SPATA1: variants seen among roughly 807,000 people sequenced by gnomAD.
SPATA1 encodes spermatogenesis associated 1.
Under a neutral mutation model 59.6 loss-of-function variants are expected in SPATA1, and 57 were observed. That is an observed-to-expected ratio of 0.96 (90% CI 0.77 to 1.19). The LOEUF (loss-of-function observed/expected upper bound fraction) is 1.19, where lower values mean the gene tolerates loss of function less well. Among genes scored for constraint, SPATA1 ranks in the 50% most tolerant of loss-of-function variants. The probability of loss-of-function intolerance (pLI) is 0.00; values close to 1 mark genes in which losing one functional copy is unlikely to be tolerated. For synonymous variants in SPATA1, 147 were observed against 163.9 expected (o/e 0.90, Z 0.79); for missense variants, 448 against 480.7 (o/e 0.93, Z 0.64).
exon 5 of SPATA1, chr1:84,566,039 T>G: frequency 6.9e-7 from 1 of 1,450,862 alleles, no homozygotes; most frequent in Non-Finnish European, 9.2e-7. Context: ...TACTATTTTA[T>G]GTAATATGAT....
At chr1:84,527,539 C>T (rs1683274736) in intron 6 of SPATA1, 1 of 151,768 alleles carries the variant, frequency 6.6e-6, no homozygotes. Context: ...TTTTTTAGTT[C>T]TTATATATAA....
intron 4 of SPATA1, among the ~76,000 whole-genome samples, chr1:84,561,989 C>T (rs927984959): frequency 5.3e-5 from 8 of 152,136 alleles, no homozygotes; most frequent in Admixed American, 3.3e-4. Flanking sequence ...TGCAATATCT[C>T]TAAGGTATGC....
At chr1:84,554,916 A>G, downstream of SPATA1, 1 of 1,068,608 alleles carries the variant, frequency 9.4e-7, no homozygotes. Flanking sequence ...ACAAAAGTAT[A>G]TAGCAACATA....
downstream of SPATA1, chr1:84,555,110 C>T (rs1025735721): frequency 4.3e-6 from 7 of 1,613,732 alleles, no homozygotes; most frequent in African/African-American, 9.4e-5. Context: ...TGCCAATGCC[C>T]CGTAAGCGAT....
At chr1:84,550,153 C>G (rs1684228081) in intron 11 of SPATA1, 1 of 202,734 alleles carries the variant, frequency 4.9e-6, no homozygotes, top group Non-Finnish European at 9.9e-6. Context: ...ATTTTAAAGT[C>G]TTGCTAATAA....
intron 6 of SPATA1, among the ~76,000 whole-genome samples, chr1:84,531,939 A>T (rs1430270058): frequency 2.0e-5 from 3 of 152,180 alleles, no homozygotes; most frequent in African/African-American, 7.2e-5. Flanking sequence ...GATTTCTCCA[A>T]GGGAAAAAAA....
At chr1:84,558,587 G>A (rs1259432363), downstream of SPATA1, among the ~76,000 whole-genome samples, 3 of 146,538 alleles carry the variant, frequency 2.0e-5, no homozygotes, top group East Asian at 2.1e-4. Flanking sequence ...CACCGCGCCC[G>A]GCCACTTTTT....
At chr1:84,519,987 G>T (rs541973211) in intron 2 of SPATA1, 1 of 152,228 alleles carries the variant, frequency 6.6e-6, no homozygotes, top group African/African-American at 2.4e-5. Flanking sequence ...TCTAATCAAG[G>T]TCATAACAAA....
chr1:84,512,537 G>A (rs187279094), intron 1 of SPATA1, among the ~76,000 whole-genome samples: 23 of 152,266 alleles, frequency 1.5e-4, no homozygotes, highest in Non-Finnish European at 7.4e-5. Context: ...TAAAAATTAC[G>A]AGAATCCTTA....
At chr1:84,510,051 A>C (rs922018093) in intron 1 of SPATA1, among the ~76,000 whole-genome samples, 1 of 152,088 alleles carries the variant, frequency 6.6e-6, no homozygotes, top group African/African-American at 2.4e-5. Flanking sequence ...AAAGCTGGAC[A>C]TGGTGGCATG....
At chr1:84,520,475 T>C in intron 2 of SPATA1, 110 bp from the exon 3 acceptor site, 1 of 709,858 alleles carries the variant, frequency 1.4e-6, no homozygotes, top group South Asian at 2.2e-5. Context: ...ATGTATGTAT[T>C]CCATGTTTTT....
chr1:84,565,428 A>G (rs1177404572), intron 4 of SPATA1, among the ~76,000 whole-genome samples: 1 of 152,192 alleles, frequency 6.6e-6, no homozygotes, highest in Non-Finnish European at 1.5e-5. Context: ...GTGCCCAACC[A>G]TATCTATCTT....
intron 10 of SPATA1, among the ~76,000 whole-genome samples, chr1:84,548,267 A>T (rs1030111951): frequency 6.6e-5 from 10 of 151,966 alleles, no homozygotes; most frequent in African/African-American, 2.4e-4. Context: ...TTGTGTTCCT[A>T]TTAAGTTTGT....
chr1:84,533,634 AATAC>A, intron 7 of SPATA1, 71 bp from the exon 8 acceptor site: 3 of 1,181,290 alleles, frequency 2.5e-6, no homozygotes, highest in Non-Finnish European at 3.6e-6. Flanking sequence ...CATCAAATAA[AATAC>A]ATAAAATATG....
chr1:84,549,082 C>A, intron 11 of SPATA1, 118 bp downstream of exon 11: 2 of 1,038,628 alleles, frequency 1.9e-6, no homozygotes, highest in Non-Finnish European at 2.6e-6. Flanking sequence ...TTGCTTAAAA[C>A]AATAAAAAAA....
chr1:84,536,215 CAA>C (rs973028628), intron 8 of SPATA1, among the ~76,000 whole-genome samples: 1 of 152,182 alleles, frequency 6.6e-6, no homozygotes, highest in Non-Finnish European at 1.5e-5. Flanking sequence ...TAAATTGGCT[CAA>C]GTTTAATAAT....
At chr1:84,563,826 T>C in intron 4 of SPATA1, 1 of 1,603,570 alleles carries the variant, frequency 6.2e-7, no homozygotes, top group South Asian at 1.1e-5. Context: ...GATGTAGTCA[T>C]TATATCCTAG....
At chr1:84,541,873 A>C (rs1683918222) in intron 8 of SPATA1, among the ~76,000 whole-genome samples, 1 of 152,142 alleles carries the variant, frequency 6.6e-6, no homozygotes. Flanking sequence ...TTGGTGGCTT[A>C]CTGTGTTTCT....
At chr1:84,548,132 T>C (rs907283289) in intron 10 of SPATA1, among the ~76,000 whole-genome samples, 1 of 152,144 alleles carries the variant, frequency 6.6e-6, no homozygotes, top group Admixed American at 6.5e-5. Context: ...GAGCTAAAGT[T>C]CCATGTAGCT....
Sources: gnomAD v4.1 joint callset for allele counts (sites outside exome capture counted in the v4.1 genomes callset) on GRCh38, gnomAD v4.1.1 for gene constraint, MANE v1.5 for transcripts, NCBI Gene and HGNC (gene_info 2026-07-23, HGNC 2026-07-21) for gene names.